The following LARP4B variants were observed in gnomAD, a reference collection of about 807,000 sequenced individuals.
LARP4B encodes the protein la-related protein 4B.
A neutral mutation model predicts 89.8 loss-of-function variants in LARP4B; 12 were observed. The observed-to-expected ratio is 0.13, with a 90% confidence interval of 0.09 to 0.22. LARP4B has a LOEUF of 0.22. LARP4B is among the 10% of genes least tolerant of loss of function. The probability of loss-of-function intolerance (pLI) is 1.00; values close to 1 mark genes in which losing one functional copy is unlikely to be tolerated. For missense variants in LARP4B, 757 were observed against 947.7 expected (o/e 0.80, Z 2.64); for synonymous variants, 367 against 363.3 (o/e 1.01, Z -0.12).
At chr10:821,201 A>G (rs939953069) in intron 13 of LARP4B, among the ~76,000 whole-genome samples, 4 of 152,202 alleles carry the variant, frequency 2.6e-5, no homozygotes, top group Non-Finnish European at 4.4e-5. Flanking sequence ...GAGCTCCATC[A>G]ATGAGTTGTT....
In LARP4B at chr10:880,687, CA is replaced by C. The variant is rs34640205; in HGVS notation, c.141+3759del. Among the ~76,000 whole-genome samples the C allele has an allele frequency of 1.1e-3, 148 of 140,814 alleles. 1 individual carries two copies. The highest frequency in any genetic ancestry group is 8.4e-4 in the Non-Finnish European group (54 of 64,524). 92.4% of individuals were successfully genotyped at this position (140,814 alleles called of 152,430 possible). A position where few individuals can be genotyped will look rare whatever the true frequency, so the allele number is the denominator to read the frequency against. On this transcript the variant is annotated intron_variant, in intron 3 of 17. Coordinates refer to ENST00000316157, the MANE Select transcript of LARP4B (RefSeq NM_015155.3). ...CCTGAGTAACAGAGTGAGGCTGACT[CA>C]AAAAAAAAAAAATCATTCTGATATA...
chr10:850,615 T>C (rs904981918), intron 5 of LARP4B, among the ~76,000 whole-genome samples: 6 of 152,234 alleles, frequency 3.9e-5, no homozygotes, highest in Admixed American at 1.3e-4. Context: ...ACCACTCAAC[T>C]TGACCTCATT....
At chr10:961,554 G>A in the LARP4B span, among the ~76,000 whole-genome samples, 2 of 144,890 alleles carry the variant, frequency 1.4e-5, no homozygotes, top group African/African-American at 2.6e-5. Flanking sequence ...TCATGGCGGC[G>A]TGGTGCCAGC....
In LARP4B at chr10:818,998, C is replaced by T. The variant is rs1016437920; in HGVS notation, c.1531-1109G>A. On this transcript the variant is annotated intron_variant, in intron 14 of 17. Transcript: ENST00000316157. Reference sequence around the variant, plus strand: ...ATTCCGCTTGCTTCTCTGCTCCACGCGACAGGTGCCTAATTTTAGCTTAGC... The same window carrying T: ...ATTCCGCTTGCTTCTCTGCTCCACGTGACAGGTGCCTAATTTTAGCTTAGC... The T allele has an allele frequency of 3.9e-5, 6 of 152,348 alleles. No individual in the cohort carries two copies. In the South Asian group the frequency reaches 6.2e-4, roughly 16 times the overall value. 9.4% of individuals were successfully genotyped at this position (152,348 alleles called of 1,614,324 possible). A position where few individuals can be genotyped will look rare whatever the true frequency, so the allele number is the denominator to read the frequency against.
chr10:890,462 G>A (rs1835980800), intron 1 of LARP4B, among the ~76,000 whole-genome samples: 1 of 152,090 alleles, frequency 6.6e-6, no homozygotes, highest in East Asian at 1.9e-4. Context: ...TGTCTGTGTA[G>A]TACCAACGTC....
chr10:932,658 A>T (rs1196559673), upstream of LARP4B, among the ~76,000 whole-genome samples: 3 of 69,964 alleles, frequency 4.3e-5, no homozygotes, highest in Non-Finnish European at 8.3e-5. Context: ...CCCACCCCAC[A>T]CCCGGGACCA....
intron 1 of LARP4B, among the ~76,000 whole-genome samples, chr10:906,637 T>C (rs1469199010): frequency 6.6e-6 from 1 of 152,224 alleles, no homozygotes; most frequent in Non-Finnish European, 1.5e-5. Context: ...CACAACCATA[T>C]GCTCAGTTTC....
upstream of LARP4B, among the ~76,000 whole-genome samples, chr10:936,310 A>G (rs971868494): frequency 2.6e-5 from 4 of 152,040 alleles, no homozygotes; most frequent in Admixed American, 2.0e-4. Flanking sequence ...GTGGCTCACA[A>G]GCGGGGTCCA....
chr10:872,673 A>G (rs1021675549), intron 3 of LARP4B, among the ~76,000 whole-genome samples: 4 of 152,184 alleles, frequency 2.6e-5, no homozygotes, highest in Non-Finnish European at 4.4e-5. Flanking sequence ...CCACTCACAA[A>G]GGCTTCCTCC....
chr10:931,393 G>T (rs1246762073), intron 1 of LARP4B, 35 bp downstream of exon 1: 1 of 148,228 alleles, frequency 6.7e-6, no homozygotes, highest in Non-Finnish European at 1.5e-5. Flanking sequence ...AGCTGGGCCG[G>T]GAGGGACGGC....
At chr10:837,561 G>A (rs948883077) in intron 7 of LARP4B, among the ~76,000 whole-genome samples, 1 of 152,140 alleles carries the variant, frequency 6.6e-6, no homozygotes, top group Admixed American at 6.5e-5. Context: ...TCACTATAAC[G>A]TTACAGTGAT....
At chr10:921,439 G>A (rs1285057936) in intron 1 of LARP4B, among the ~76,000 whole-genome samples, 1 of 152,066 alleles carries the variant, frequency 6.6e-6, no homozygotes, top group Admixed American at 6.6e-5. Flanking sequence ...GTGATTTCAT[G>A]AAAAACCTAT....
the LARP4B span, among the ~76,000 whole-genome samples, chr10:981,941 G>T: frequency 6.6e-6 from 1 of 152,064 alleles, no homozygotes; most frequent in Non-Finnish European, 1.5e-5. Context: ...TTTAAAATTT[G>T]TTATTATGTG....
the LARP4B span, among the ~76,000 whole-genome samples, chr10:945,514 G>A: frequency 1.3e-4 from 19 of 147,884 alleles, no homozygotes; most frequent in South Asian, 1.1e-3. Flanking sequence ...GTGAAACCCC[G>A]TCTCTACTAA....
chr10:872,412 T>C (rs1835261637), intron 3 of LARP4B, among the ~76,000 whole-genome samples: 1 of 152,216 alleles, frequency 6.6e-6, no homozygotes, highest in African/African-American at 2.4e-5. Flanking sequence ...GCAGCTACTG[T>C]GTCTACCCAG....
At chr10:869,904 AAATAATAATAATAAT>A (rs140243543) in intron 3 of LARP4B, 7,354 of 157,138 alleles carry the variant, frequency 0.047, 244 homozygotes, top group Admixed American at 0.074. Context: ...CTCAAAAAAT[AAATAATAATAATAAT>A]AATAATAATA....
Position 867,124 on chromosome 10 carries a change from G to T in LARP4B, c.142-2854C>A, listed in dbSNP as rs17159964. Among the ~76,000 whole-genome samples the T allele has an allele frequency of 9.0e-3, 1,376 of 152,330 alleles. 36 individuals carry two copies. The highest frequency in any genetic ancestry group is 0.088 in the East Asian group (458 of 5,188). ...ACCCTTAACCAATGACTACCTCTTA[G>T]TGAAGAAGTCCAAATCAAGTGTATG... On this transcript the variant is annotated intron_variant, in intron 3 of 17. Coordinates refer to ENST00000316157, the MANE Select transcript of LARP4B (RefSeq NM_015155.3).
chr10:853,854 A>G (rs1309062923), intron 5 of LARP4B, among the ~76,000 whole-genome samples: 1 of 152,190 alleles, frequency 6.6e-6, no homozygotes, highest in Non-Finnish European at 1.5e-5. Flanking sequence ...GACAACAGCG[A>G]AGTATATCAC....
chr10:861,053 G>A (rs891442892), intron 5 of LARP4B, among the ~76,000 whole-genome samples: 3 of 152,180 alleles, frequency 2.0e-5, no homozygotes, highest in African/African-American at 7.2e-5. Context: ...CTACTGGGGA[G>A]GCTGAGGCAG....
Sources: allele counts gnomAD v4.1 joint callset (sites outside exome capture counted in the v4.1 genomes callset), GRCh38; gene constraint gnomAD v4.1.1; transcripts MANE v1.5; gene names NCBI Gene and HGNC (gene_info 2026-07-23, HGNC 2026-07-21).